Variants in SSC4D observed in about 807,000 individuals in gnomAD.
SSC4D encodes the protein scavenger receptor cysteine-rich domain-containing group B protein.
A neutral mutation model predicts 63.4 loss-of-function variants in SSC4D; 57 were observed. The observed-to-expected ratio is 0.90, with a 90% CI of 0.73 to 1.12. The LOEUF (loss-of-function observed/expected upper bound fraction) is 1.12, where lower values mean the gene tolerates loss of function less well. Ranked by LOEUF, SSC4D falls within the 50% of genes most tolerant of loss-of-function variation. SSC4D has a pLI of 0.00. For missense variants in SSC4D, 791 were observed against 806.4 expected, an observed-to-expected ratio of 0.98 and a Z score of 0.23; for synonymous variants, 352 against 345.4, an observed-to-expected ratio of 1.02 and a Z score of -0.21.
chr7:76,390,095 G>A lies in SSC4D; in HGVS notation c.1692C>T (p.His564=). 6.2e-7 allele frequency: 1 copy of A among 1,614,248 alleles called. No individual in the cohort carries two copies. The highest frequency in any genetic ancestry group is 8.5e-7 in the Non-Finnish European group (1 of 1,180,044). ...GGCACAGGACACTGGCATCCTCGCT[G>A]TGGTCACAGTTGTGGGCATCCCAGC... ...HIRWDAHNCD[H]SEDASVLCQP... Residue 564 remains histidine (H), a synonymous_variant, in exon 11 of 11, where the codon CAC becomes CAT. Transcript: ENST00000275560.
Position 76,390,450 on chromosome 7 carries a change from T to C in SSC4D, c.1412-75A>G. 2.9e-6 allele frequency: 4 copies of C among 1,393,074 alleles called. 1 individual carries two copies. The highest frequency in any genetic ancestry group is 3.8e-6 in the Non-Finnish European group (4 of 1,039,882). 86.3% of individuals were successfully genotyped at this position (1,393,074 alleles called of 1,614,324 possible). A position where few individuals can be genotyped will look rare whatever the true frequency, so the allele number is the denominator to read the frequency against. On this transcript the variant is annotated intron_variant, in intron 10 of 10. Coordinates refer to ENST00000275560, the MANE Select transcript of SSC4D (RefSeq NM_080744.2). ...CTCCCAAGCTAGGTCAGGTTGGCAG[T>C]AAAGAGAGGTCTGAGACACTCTGAG...
intron 6 of SSC4D, among the ~76,000 whole-genome samples, chr7:76,396,228 TAG>T (rs1431158528): frequency 2.0e-5 from 3 of 152,304 alleles, no homozygotes; most frequent in Admixed American, 6.5e-5. Flanking sequence ...AATTGAGGAC[TAG>T]CTAAAACAGG....
intron 10 of SSC4D, 90 bp from the exon 11 acceptor site, chr7:76,390,465 G>C: frequency 1.6e-6 from 2 of 1,244,792 alleles, no homozygotes; most frequent in South Asian, 3.0e-5. Flanking sequence ...AGAGGTCTGA[G>C]ACACTCTGAG....
At position 76,400,601 on chromosome 7, in the gene SSC4D, G is replaced by T. The variant is rs1299790558; in HGVS notation, c.170-10C>A. On this transcript the variant is annotated splice_polypyrimidine_tract_variant and intron_variant, in intron 3 of 10. Transcript: ENST00000275560. ...CCCACCAGCCTCAGCTCTGTGAAGA[G>T]GGTGGAGCTGGCACCAGGGGGTCAC... 1.4e-6 allele frequency: 2 copies of T among 1,445,228 alleles called. No homozygotes were observed. The highest frequency in any genetic ancestry group is 1.8e-6 in the Non-Finnish European group (2 of 1,096,940). The allele number at this position is 1,445,228 out of a possible 1,614,324, so 89.5% of individuals were successfully genotyped here.
At chr7:76,398,643 T>C in intron 5 of SSC4D, 77 bp downstream of exon 5, 8 of 1,460,674 alleles carry the variant, frequency 5.5e-6, no homozygotes, top group Non-Finnish European at 6.7e-6. Context: ...GTAATCCCTG[T>C]CTTCCCACTG....
In SSC4D at chr7:76,397,686, C is replaced by A; in HGVS notation, c.700G>T (p.Ala234Ser). ...GCGTTGGTGGTGGCGGCCATGGCCG[C>A]CCCGCAGCCCAGCTGACGACAGACC... ...AVVCRQLGCG[A>S]AMAATTNAFF... Residue 234 changes from alanine (A) to serine (S), a missense_variant, in exon 6 of 11, where the codon GCG becomes TCG. By Grantham distance (99) the Ala-to-Ser change is moderately conservative. Coordinates refer to ENST00000275560, the MANE Select transcript of SSC4D (RefSeq NM_080744.2). The A allele has an allele frequency of 1.9e-6, 3 of 1,613,406 alleles. No homozygotes were observed. The highest frequency in any genetic ancestry group is 2.5e-6 in the Non-Finnish European group (3 of 1,179,848).
At position 76,393,616 on chromosome 7, in the gene SSC4D, G is replaced by C; in HGVS notation, c.1122C>G (p.Asp374Glu). ...GGCAGGCCACGCGCGCGTCCGCAAA[G>C]TCCCAGTCATCGTCGCACACGGTGC... is the stretch of plus-strand genomic sequence containing the variant. ...GWGTVCDDDW[D>E]FADARVACRE... is the part of the protein sequence containing the mutation. Residue 374 changes from aspartate to glutamate, a missense_variant, in exon 9 of 11, where the codon GAC becomes GAG. Transcript: ENST00000275560. 1 of 1,500,604 alleles carries C rather than the reference G, an allele frequency of 6.7e-7. No homozygotes were observed. The allele number at this position is 1,500,604 out of a possible 1,614,324, so 93.0% of individuals were successfully genotyped here.
chr7:76,392,376 C>G (rs1804512461), intron 9 of SSC4D, among the ~76,000 whole-genome samples: 1 of 152,024 alleles, frequency 6.6e-6, no homozygotes, highest in Non-Finnish European at 1.5e-5. Context: ...ATGGTGAAAC[C>G]CCGTCTCTAT....
At position 76,395,138 on chromosome 7, in the gene SSC4D, A is replaced by T. The variant is rs1442948820; in HGVS notation, c.946+115T>A. The T allele has an allele frequency of 8.1e-6, 10 of 1,229,886 alleles. No individual in the cohort carries two copies. The Admixed American group carries it at 1.1e-4, about 13-fold the overall frequency. The allele number at this position is 1,229,886 out of a possible 1,614,324, so 76.2% of individuals were successfully genotyped here. A position where few individuals can be genotyped will look rare whatever the true frequency, so the allele number is the denominator to read the frequency against. ...TCACCCACCTCTGCACCATCTGGCC[A>T]AAGCCCTGGCCTGTTAGCCAGGGCC... On this transcript the variant is annotated intron_variant, in intron 7 of 10. Coordinates refer to ENST00000275560, the MANE Select transcript of SSC4D (RefSeq NM_080744.2).
intron 2 of SSC4D, among the ~76,000 whole-genome samples, chr7:76,403,729 T>C (rs1235857821): frequency 6.6e-6 from 1 of 151,812 alleles, no homozygotes; most frequent in Non-Finnish European, 1.5e-5. Context: ...TGGCGTGATC[T>C]TGGCTCACTG....
Position 76,404,294 on chromosome 7 carries a change from G to T in SSC4D, c.133+13C>A, listed in dbSNP as rs201780335. 1 of 1,582,812 alleles carries T rather than the reference G, an allele frequency of 6.3e-7. No homozygotes were observed. Among genetic ancestry groups the T allele is most frequent in the Non-Finnish European group, 8.6e-7 (1 of 1,164,894 alleles). On this transcript the variant is annotated intron_variant, in intron 2 of 10. Coordinates refer to ENST00000275560, the MANE Select transcript of SSC4D (RefSeq NM_080744.2). ...AAAGAGGAAGTGGCAAGGGCTAACA[G>T]GGGAGGACTCACCCAGTGGCAGGAG...
chr7:76,405,339 C>CTTTTT (rs1193527373), intron 1 of SSC4D, among the ~76,000 whole-genome samples: 4 of 21,390 alleles, frequency 1.9e-4, no homozygotes, highest in Admixed American at 6.1e-4. Context: ...TTCTTTCTTT[C>CTTTTT]TTTTTTTTTT....
At position 76,398,788 on chromosome 7, in the gene SSC4D, G is replaced by T. The variant is rs1563683291; in HGVS notation, c.485C>A (p.Pro162Gln). 1 of 1,612,666 alleles carries T rather than the reference G, an allele frequency of 6.2e-7. No homozygotes were observed. The highest frequency in any genetic ancestry group is 8.5e-7 in the Non-Finnish European group (1 of 1,179,124). The part of the protein sequence containing the change: ...DVAVLCDEFL[P>Q]TQPPTRKMLT... ...CATCTTCCTTGTTGGGGGCTGCGTT[G>T]GCAAGAATTCTGGAAAGGAAGTGAA... Residue 162 changes from proline (P) to glutamine (Q), a missense_variant, in exon 5 of 11, where the codon CCA becomes CAA. Coordinates refer to ENST00000275560, the MANE Select transcript of SSC4D (RefSeq NM_080744.2).
intron 6 of SSC4D, among the ~76,000 whole-genome samples, chr7:76,396,930 T>C (rs1804653512): frequency 6.6e-6 from 1 of 152,198 alleles, no homozygotes; most frequent in South Asian, 2.1e-4. Flanking sequence ...AATGCTGGAA[T>C]ATCTCTGGGG....
At chr7:76,402,219 A>G (rs564301257) in intron 2 of SSC4D, among the ~76,000 whole-genome samples, 1 of 141,736 alleles carries the variant, frequency 7.1e-6, no homozygotes, top group South Asian at 2.2e-4. Flanking sequence ...GTCTTACTCC[A>G]TTCAGGCTGG....
At position 76,405,302 on chromosome 7, in the gene SSC4D, TA is replaced by T. The variant is rs1563686878; in HGVS notation, c.-66-798del. On this transcript the variant is annotated intron_variant, in intron 1 of 10. Transcript: ENST00000275560. ...ATATATATATATATATATATATATA[TA>T]TATATATATATATGTATTTTTTTCT... Among the ~76,000 whole-genome samples the T allele has an allele frequency of 1.2e-3, 72 of 58,340 alleles. 1 individual carries two copies. Among genetic ancestry groups the T allele is most frequent in the African/African-American group, 4.8e-3 (63 of 13,146 alleles). 38.3% of individuals were successfully genotyped at this position (58,340 alleles called of 152,430 possible). A position where few individuals can be genotyped will look rare whatever the true frequency, so the allele number is the denominator to read the frequency against.
rs1584015208 is a variant in SSC4D at position 76,391,973 on chromosome 7, G to A, written c.1402C>T (p.Pro468Ser). ...GATTATGGGCACCTACCGTCCCTGG[G>A]CCGAGGAGTGGGCACCCGCGTGGTC... is the stretch of plus-strand genomic sequence containing the variant. Reference protein sequence around the residue: ...SETTRVPTPRPRDGHLRLVNG... With the variant: ...SETTRVPTPRSRDGHLRLVNG... Residue 468 changes from proline to serine, a missense_variant, in exon 10 of 11, where the codon CCC becomes TCC. Transcript: ENST00000275560. The A allele has an allele frequency of 6.3e-7, 1 of 1,594,072 alleles. No homozygotes were observed. The highest frequency in any genetic ancestry group is 2.3e-5 in the East Asian group (1 of 44,170).
chr7:76,390,255 C>T lies in SSC4D; in HGVS notation c.1532G>A (p.Cys511Tyr). The T allele has an allele frequency of 6.2e-7, 1 of 1,614,012 alleles. No homozygotes were observed. Residue 511 changes from cysteine to tyrosine, a missense_variant, in exon 11 of 11, where the codon TGC becomes TAC. By Grantham distance (194) the Cys-to-Tyr change is radical. Coordinates refer to ENST00000275560, the MANE Select transcript of SSC4D (RefSeq NM_080744.2). ...GGCCTGGCCACAGCCCAGCTGGCGG[C>T]ACAGGACACCGGCTGCCCGCAGGTC... ...AWDLRAAGVL[C>Y]RQLGCGQALA... is the part of the protein sequence containing the mutation.
rs1804462016 is a variant in SSC4D at position 76,390,134 on chromosome 7, G to C, written c.1653C>G (p.Leu551=). ...KCRGEESALL[L]CSHIRWDAHN... is the part of the protein sequence containing the mutation. ...GGGCATCCCAGCGGATATGAGAGCA[G>C]AGCAGCAGAGCACTTTCTTCCCCAC... The change falls in exon 11 of 11, where the codon CTC becomes CTG. Residue 551 remains leucine, a synonymous_variant. Coordinates refer to ENST00000275560, the MANE Select transcript of SSC4D (RefSeq NM_080744.2). 6.8e-6 allele frequency: 11 copies of C among 1,614,122 alleles called. No individual in the cohort carries two copies. The highest frequency in any genetic ancestry group is 9.3e-6 in the Non-Finnish European group (11 of 1,180,050).
Sources: gnomAD v4.1 joint callset for allele counts (sites outside exome capture counted in the v4.1 genomes callset) on GRCh38, gnomAD v4.1.1 for gene constraint, MANE v1.5 for transcripts, NCBI Gene and HGNC (gene_info 2026-07-23, HGNC 2026-07-21) for gene names.